RANBP2: variants seen among roughly 807,000 people sequenced by gnomAD.
RANBP2 encodes the protein RAN binding protein 2.
In RANBP2, 57 loss-of-function variants were observed where a neutral mutation model predicts 303.6. The ratio of observed to expected loss-of-function variants is 0.19; its 90% CI spans 0.15 to 0.23. The LOEUF (loss-of-function observed/expected upper bound fraction) is 0.23. Ranked by LOEUF, RANBP2 falls within the 10% of genes least tolerant of loss-of-function variation. The probability of loss-of-function intolerance (pLI) is 1.00; values close to 1 mark genes in which losing one functional copy is unlikely to be tolerated. For synonymous variants in RANBP2, 1,167 were observed against 1,301.5 expected, an observed-to-expected ratio of 0.90 and a Z score of 2.23; for missense variants, 3,138 against 3,780.8, an observed-to-expected ratio of 0.83 and a Z score of 4.46.
the RANBP2 span, among the ~76,000 whole-genome samples, chr2:109,551,388 T>C: frequency 6.6e-5 from 10 of 152,234 alleles, no homozygotes; most frequent in East Asian, 5.8e-4. Flanking sequence ...ATTCATGCTA[T>C]ATGAGAAACT....
the RANBP2 span, among the ~76,000 whole-genome samples, chr2:109,714,555 C>T: frequency 2.6e-5 from 4 of 152,128 alleles, 1 homozygote; most frequent in South Asian, 8.3e-4. Context: ...CTACCTTGGC[C>T]GCCTAAAGTG....
chr2:108,924,237 T>A, the RANBP2 span, among the ~76,000 whole-genome samples: 1 of 152,236 alleles, frequency 6.6e-6, no homozygotes, highest in Non-Finnish European at 1.5e-5. Context: ...CGTGGCTATA[T>A]GACTGCTCAG....
At chr2:109,288,472 T>A in the RANBP2 span, among the ~76,000 whole-genome samples, 3 of 152,192 alleles carry the variant, frequency 2.0e-5, no homozygotes, top group South Asian at 6.2e-4. Flanking sequence ...CCCACAGAGA[T>A]GTCATTAAGG....
the RANBP2 span, among the ~76,000 whole-genome samples, chr2:108,936,146 C>T: frequency 2.1e-4 from 32 of 152,368 alleles, no homozygotes; most frequent in Middle Eastern, 3.4e-3. Context: ...GACGGTGCTA[C>T]CTCTTCCAAA....
intron 4 of RANBP2, among the ~76,000 whole-genome samples, chr2:108,734,356 AAGTG>A (rs1489370202): frequency 6.6e-6 from 1 of 152,164 alleles, no homozygotes; most frequent in Non-Finnish European, 1.5e-5. Flanking sequence ...AGAGTGGAGA[AAGTG>A]AGTATTAGTA....
the RANBP2 span, among the ~76,000 whole-genome samples, chr2:109,289,174 T>C: frequency 6.6e-6 from 1 of 152,186 alleles, no homozygotes; most frequent in Admixed American, 6.5e-5. Context: ...TGTCTCTCTC[T>C]CTCTGCAGAA....
intron 2 of RANBP2, among the ~76,000 whole-genome samples, chr2:108,729,933 T>C (rs1453377214): frequency 2.0e-5 from 3 of 152,088 alleles, no homozygotes; most frequent in South Asian, 2.1e-4. Flanking sequence ...TTGCCCAGGC[T>C]AGTCTTGAAC....
the RANBP2 span, among the ~76,000 whole-genome samples, chr2:109,727,537 A>G: frequency 6.6e-6 from 1 of 152,144 alleles, no homozygotes; most frequent in Non-Finnish European, 1.5e-5. Context: ...CCTATTTTAC[A>G]TAGCACACCT....
the RANBP2 span, among the ~76,000 whole-genome samples, chr2:109,294,183 A>G: frequency 6.6e-6 from 1 of 152,108 alleles, no homozygotes; most frequent in Admixed American, 6.6e-5. Flanking sequence ...TCAAAGGAGG[A>G]ATTTGTATGT....
At chr2:109,717,895 C>T in the RANBP2 span, among the ~76,000 whole-genome samples, 1 of 152,138 alleles carries the variant, frequency 6.6e-6, no homozygotes, top group African/African-American at 2.4e-5. Context: ...GCCTGGGCAA[C>T]AGAGTAAAAG....
chr2:108,948,479 A>G, the RANBP2 span, among the ~76,000 whole-genome samples: 1 of 152,212 alleles, frequency 6.6e-6, no homozygotes. Context: ...TGCTATAAAG[A>G]TACTACCTGA....
chr2:108,911,100 C>T, the RANBP2 span: 1 of 1,613,842 alleles, frequency 6.2e-7, no homozygotes, highest in Non-Finnish European at 8.5e-7. Flanking sequence ...GCATGAATGA[C>T]CCAGAGCTCA....
the RANBP2 span, among the ~76,000 whole-genome samples, chr2:109,731,727 TC>T: frequency 2.0e-5 from 3 of 151,760 alleles, no homozygotes; most frequent in Admixed American, 2.0e-4. Flanking sequence ...CCTCAGGTGA[TC>T]CCCCCAGCCT....
At chr2:109,425,814 C>T in the RANBP2 span, among the ~76,000 whole-genome samples, 7 of 152,368 alleles carry the variant, frequency 4.6e-5, no homozygotes, top group East Asian at 1.3e-3. Flanking sequence ...GCTGACACAG[C>T]ATCCATTCTT....
chr2:109,593,211 TATA>T, the RANBP2 span: 1 of 773,558 alleles, frequency 1.3e-6, no homozygotes, highest in Non-Finnish European at 2.0e-6. Flanking sequence ...AATAAGGTGT[TATA>T]ATAATGTTGT....
the RANBP2 span, among the ~76,000 whole-genome samples, chr2:109,462,246 G>C: frequency 1.3e-5 from 2 of 151,110 alleles, no homozygotes; most frequent in South Asian, 2.1e-4. Flanking sequence ...TTGTGACACA[G>C]AGTTGGAGAA....
At chr2:109,524,933 A>C in the RANBP2 span, among the ~76,000 whole-genome samples, 1 of 152,140 alleles carries the variant, frequency 6.6e-6, no homozygotes, top group Non-Finnish European at 1.5e-5. Context: ...TCCTCGGCGC[A>C]GATCTTCAGT....
In RANBP2 at chr2:108,782,804, A is replaced by G; in HGVS notation, c.9311A>G (p.Lys3104Arg). Reference sequence around the variant, plus strand: ...TTCAGAGCACTATGCACTGGAGAGAAAGGCTTTGGTTTCAAGAATTCCATT... The same window carrying G: ...TTCAGAGCACTATGCACTGGAGAGAGAGGCTTTGGTTTCAAGAATTCCATT... Reference protein sequence around the residue: ...ENFRALCTGEKGFGFKNSIFH... With the variant: ...ENFRALCTGERGFGFKNSIFH... The change falls in exon 28 of 29, where the codon AAA becomes AGA. Residue 3104 changes from lysine (K) to arginine (R), a missense_variant. Coordinates refer to ENST00000283195, the MANE Select transcript of RANBP2 (RefSeq NM_006267.5). 6.2e-7 allele frequency: 1 copy of G among 1,614,162 alleles called. No homozygotes were observed. The highest frequency in any genetic ancestry group is 8.5e-7 in the Non-Finnish European group (1 of 1,180,030).
rs1206190494 is a variant in RANBP2 at position 108,785,036 on chromosome 2, C to T, written c.*1135C>T. 2.0e-5 allele frequency: 3 copies of T among 152,198 alleles called. No individual in the cohort carries two copies. The highest frequency in any genetic ancestry group is 7.2e-5 in the African/African-American group (3 of 41,450). The allele number at this position is 152,198 out of a possible 1,614,324, so 9.4% of individuals were successfully genotyped here. On this transcript the variant is annotated 3_prime_UTR_variant, in exon 29 of 29. Coordinates refer to ENST00000283195, the MANE Select transcript of RANBP2 (RefSeq NM_006267.5). ...AACTACAAAGAATCCAGGTAGAACA[C>T]AAAATTTTGTATATTGCAATTATGA... is the stretch of plus-strand genomic sequence containing the variant.
Sources: gnomAD v4.1 joint callset for allele counts (sites outside exome capture counted in the v4.1 genomes callset) on GRCh38, gnomAD v4.1.1 for gene constraint, MANE v1.5 for transcripts, NCBI Gene and HGNC (gene_info 2026-07-23, HGNC 2026-07-21) for gene names.